The following GRIK4 variants were observed in gnomAD, a reference collection of about 807,000 sequenced individuals.
The protein encoded by GRIK4 is glutamate ionotropic receptor kainate type subunit 4, also known as glutamate receptor ionotropic, kainate 4.
Under a neutral mutation model 104.9 loss-of-function variants are expected in GRIK4, and 40 were observed. The observed-to-expected ratio is 0.38, with a 90% CI of 0.30 to 0.50. The LOEUF (loss-of-function observed/expected upper bound fraction) is 0.50. Among genes scored for constraint, GRIK4 ranks in the 20% least tolerant of loss-of-function variants. GRIK4 has a pLI of 0.93. For missense variants in GRIK4, 1,047 were observed against 1,308.1 expected, an observed-to-expected ratio of 0.80 and a Z score of 3.08; for synonymous variants, 485 against 524.9, an observed-to-expected ratio of 0.92 and a Z score of 1.04.
chr11:120,663,338 G>A (rs988903845), intron 3 of GRIK4, among the ~76,000 whole-genome samples: 1 of 152,122 alleles, frequency 6.6e-6, no homozygotes, highest in African/African-American at 2.4e-5. Context: ...GCAGTGGTTT[G>A]GCCAAGGTCA....
rs1954691794 is a variant in GRIK4, at chr11:120,874,057, C to T, written c.907-9C>T. 3.1e-6 allele frequency: 5 copies of T among 1,595,742 alleles called. No individual in the cohort carries two copies. In the Admixed American group the frequency reaches 5.0e-5, roughly 16 times the overall value. ...TCCCTCCCTCCGCCTGCTCCCCGGCCTCTCCCAGCTCTCCTCGGCCCTGCT... is the reference window on the plus strand; with the variant it reads ...TCCCTCCCTCCGCCTGCTCCCCGGCTTCTCCCAGCTCTCCTCGGCCCTGCT... On this transcript the variant is annotated splice_polypyrimidine_tract_variant and intron_variant, in intron 9 of 20. Coordinates refer to ENST00000527524, the MANE Select transcript of GRIK4 (RefSeq NM_014619.5).
Position 120,975,791 on chromosome 11 carries a change from A to G in GRIK4, c.2396-6315A>G, listed in dbSNP as rs12288999. Among the ~76,000 whole-genome samples, 977 of 152,154 alleles carry G rather than the reference A, an allele frequency of 6.4e-3. 7 individuals carry two copies. Among genetic ancestry groups the G allele is most frequent in the African/African-American group, 0.022 (929 of 41,500 alleles). ...AGTGGATGCCGAGTGACTGGGAGAG[A>G]TGGTGTGGAGTAGACGGGAGGGGAC... On this transcript the variant is annotated intron_variant, in intron 19 of 20. Coordinates refer to ENST00000527524, the MANE Select transcript of GRIK4 (RefSeq NM_014619.5).
intron 3 of GRIK4, among the ~76,000 whole-genome samples, chr11:120,666,980 T>G (rs565304076): frequency 6.6e-6 from 1 of 152,320 alleles, no homozygotes; most frequent in Admixed American, 6.5e-5. Flanking sequence ...TGATTCCTTG[T>G]AAAAAAGTGT....
intron 3 of GRIK4, among the ~76,000 whole-genome samples, chr11:120,686,508 G>A (rs1390806914): frequency 6.6e-6 from 1 of 152,120 alleles, no homozygotes; most frequent in African/African-American, 2.4e-5. Context: ...TTCCCCAGGG[G>A]GCCTCACACA....
chr11:120,673,450 T>C (rs1045388008), intron 3 of GRIK4, among the ~76,000 whole-genome samples: 16 of 152,214 alleles, frequency 1.1e-4, no homozygotes, highest in African/African-American at 3.6e-4. Context: ...GTCTGATCCC[T>C]GCAGCCAAAC....
chr11:120,789,597 A>T (rs1322536321), intron 3 of GRIK4, among the ~76,000 whole-genome samples: 1 of 152,074 alleles, frequency 6.6e-6, no homozygotes, highest in Admixed American at 6.5e-5. Context: ...AAATCTTATG[A>T]CGTCATCGCC....
chr11:120,831,754 A>T (rs1473085832), intron 6 of GRIK4, 98 bp from the exon 7 acceptor site: 16 of 871,994 alleles, frequency 1.8e-5, no homozygotes, highest in Admixed American at 6.4e-5. Context: ...CCCCGACCCC[A>T]CTTCCAGCCC....
At chr11:120,793,871 A>G (rs376886124) in intron 3 of GRIK4, among the ~76,000 whole-genome samples, 11 of 141,304 alleles carry the variant, frequency 7.8e-5, no homozygotes, top group African/African-American at 2.7e-4. Flanking sequence ...GCTGAGAGCC[A>G]GGTGATGGTT....
intron 19 of GRIK4, among the ~76,000 whole-genome samples, chr11:120,974,972 T>A (rs545493241): frequency 6.6e-6 from 1 of 152,238 alleles, no homozygotes; most frequent in African/African-American, 2.4e-5. Flanking sequence ...TTCAAGGAGA[T>A]TGGATTACTG....
intron 3 of GRIK4, among the ~76,000 whole-genome samples, chr11:120,661,145 G>A (rs1007251602): frequency 2.6e-5 from 4 of 152,184 alleles, no homozygotes; most frequent in African/African-American, 9.6e-5. Context: ...AGTTCAGTCC[G>A]GCAGGCGCAG....
At chr11:120,573,395 G>A (rs1948429068) in intron 1 of GRIK4, among the ~76,000 whole-genome samples, 1 of 152,168 alleles carries the variant, frequency 6.6e-6, no homozygotes, top group Non-Finnish European at 1.5e-5. Context: ...GGCTGTTGAG[G>A]GGAAGCTGTT....
At chr11:120,752,928 C>A (rs11217999) in intron 3 of GRIK4, among the ~76,000 whole-genome samples, 14,709 of 152,300 alleles carry the variant, frequency 0.097, 910 homozygotes, top group African/African-American at 0.17. Context: ...GGCAGGAGAG[C>A]ACAGCCGTGG....
intron 3 of GRIK4, among the ~76,000 whole-genome samples, chr11:120,762,978 T>TC (rs1951774864): frequency 6.6e-6 from 1 of 151,868 alleles, no homozygotes; most frequent in African/African-American, 2.4e-5. Context: ...TAGGGAGGAG[T>TC]CCCCCTTTTT....
chr11:120,747,504 C>T (rs908347098), intron 3 of GRIK4, among the ~76,000 whole-genome samples: 2 of 152,142 alleles, frequency 1.3e-5, no homozygotes, highest in African/African-American at 4.8e-5. Context: ...ACGGATTACC[C>T]TAGATGTAAA....
At chr11:120,642,937 C>T (rs1949488902) in intron 1 of GRIK4, among the ~76,000 whole-genome samples, 1 of 152,194 alleles carries the variant, frequency 6.6e-6, no homozygotes, top group African/African-American at 2.4e-5. Flanking sequence ...AGATGCCTGG[C>T]TGCCATGGCC....
At chr11:120,636,887 T>G (rs923351672) in intron 1 of GRIK4, among the ~76,000 whole-genome samples, 2 of 151,942 alleles carry the variant, frequency 1.3e-5, no homozygotes, top group South Asian at 4.1e-4. Flanking sequence ...GGCTCTGGCC[T>G]CCACCTGGGT....
intron 3 of GRIK4, among the ~76,000 whole-genome samples, chr11:120,700,077 G>A (rs61901366): frequency 0.12 from 17,628 of 152,184 alleles, 1,113 homozygotes; most frequent in South Asian, 0.2. Flanking sequence ...GAGATAGTAA[G>A]ATGGTTACTA....
At chr11:120,544,512 G>T (rs1016983941) in intron 1 of GRIK4, among the ~76,000 whole-genome samples, 8 of 152,058 alleles carry the variant, frequency 5.3e-5, no homozygotes, top group Admixed American at 5.2e-4. Context: ...TCTACTTTTA[G>T]TAGAGCCGGG....
intron 3 of GRIK4, among the ~76,000 whole-genome samples, chr11:120,798,423 A>C (rs2135505482): frequency 6.6e-6 from 1 of 152,144 alleles, no homozygotes. Flanking sequence ...TCAGACTCCC[A>C]AAGTGCTGGA....
Sources: gnomAD v4.1 joint callset for allele counts (sites outside exome capture counted in the v4.1 genomes callset) on GRCh38, gnomAD v4.1.1 for gene constraint, MANE v1.5 for transcripts, NCBI Gene and HGNC (gene_info 2026-07-23, HGNC 2026-07-21) for gene names.